SLC28A2: variants seen among roughly 807,000 people sequenced by gnomAD.
SLC28A2 encodes sodium/nucleoside cotransporter 2.
In SLC28A2, 69 loss-of-function variants were observed where a neutral mutation model predicts 72.9. The ratio of observed to expected loss-of-function variants is 0.95; its 90% CI spans 0.78 to 1.16. The LOEUF (loss-of-function observed/expected upper bound fraction) is 1.16. Among genes scored for constraint, SLC28A2 ranks in the 50% most tolerant of loss-of-function variants. SLC28A2 has a pLI of 0.00. For synonymous variants in SLC28A2, 296 were observed against 294.1 expected (o/e 1.01, Z -0.07); for missense variants, 745 against 791.1 (o/e 0.94, Z 0.70).
intron 5 of SLC28A2, 82 bp downstream of exon 5, chr15:45,263,326 GCT>G (rs1900223202): frequency 7.1e-7 from 1 of 1,403,142 alleles, no homozygotes; most frequent in Non-Finnish European, 9.7e-7. Context: ...TGCTGAGCAG[GCT>G]CTCAGACCTG....
At chr15:45,274,824 C>T (rs565239375) in intron 17 of SLC28A2, among the ~76,000 whole-genome samples, 1 of 151,702 alleles carries the variant, frequency 6.6e-6, no homozygotes, top group East Asian at 1.9e-4. Context: ...GGCCCAGGCT[C>T]AAGCAATCCT....
chr15:45,267,639 C>T (rs1900382845), intron 11 of SLC28A2, 27 bp from the exon 12 acceptor site: 4 of 1,614,002 alleles, frequency 2.5e-6, no homozygotes, highest in South Asian at 1.1e-5. Flanking sequence ...GATAGAAACA[C>T]TGATGCCTAA....
At chr15:45,256,661 A>T (rs1205575477) in intron 3 of SLC28A2, among the ~76,000 whole-genome samples, 3 of 152,004 alleles carry the variant, frequency 2.0e-5, no homozygotes, top group Non-Finnish European at 4.4e-5. Flanking sequence ...TGCCCACCTC[A>T]GCCTCCCAAA....
chr15:45,259,648 T>C (rs1423639051), intron 3 of SLC28A2, among the ~76,000 whole-genome samples: 1 of 152,242 alleles, frequency 6.6e-6, no homozygotes, highest in East Asian at 1.9e-4. Flanking sequence ...GAACATCTAT[T>C]ATGGGCCGGG....
chr15:45,272,750 G>A lies in SLC28A2; in HGVS notation c.1825G>A (p.Glu609Lys), dbSNP rs772197310. ...CACAAGTTTCACCAATAGAACCTAT[G>A]AGACCTACATGTGCTGCAGAGGGCT... ...PNTSFTNRTYETYMCCRGLFQ... is the reference protein window; with the variant it reads ...PNTSFTNRTYKTYMCCRGLFQ... The change falls in exon 17 of 18, where the codon GAG becomes AAG. Residue 609 changes from glutamate (E) to lysine (K), a missense_variant. Coordinates refer to ENST00000347644, the MANE Select transcript of SLC28A2 (RefSeq NM_004212.4). 1 of 1,611,838 alleles carries A rather than the reference G, an allele frequency of 6.2e-7. No individual in the cohort carries two copies. Among genetic ancestry groups the A allele is most frequent in the Non-Finnish European group, 8.5e-7 (1 of 1,177,940 alleles).
chr15:45,270,043 AG>A, intron 14 of SLC28A2, 151 bp from the exon 15 acceptor site: 1 of 624,866 alleles, frequency 1.6e-6, no homozygotes, highest in Non-Finnish European at 2.9e-6. Context: ...ATAGTAACTC[AG>A]GGAACAGTTG....
rs759695966 is a variant in SLC28A2, at chr15:45,253,438, G to C, written c.88G>C (p.Glu30Gln). Residue 30 changes from glutamate (E) to glutamine (Q), a missense_variant, in exon 3 of 18, where the codon GAA (glutamate) becomes CAA (glutamine). Coordinates refer to ENST00000347644, the MANE Select transcript of SLC28A2 (RefSeq NM_004212.4). ...ATGCTCTCTGTGCTTGTAGGAAAAAGAAGTAGAGCCTGAGGGAAGCAAGAG... is the reference window on the plus strand; with the variant it reads ...ATGCTCTCTGTGCTTGTAGGAAAAACAAGTAGAGCCTGAGGGAAGCAAGAG... ...VNPGLELMEKEVEPEGSKRTD... is the reference protein window; with the variant it reads ...VNPGLELMEKQVEPEGSKRTD... The C allele has an allele frequency of 7.4e-6, 12 of 1,613,336 alleles. No individual in the cohort carries two copies. The highest frequency in any genetic ancestry group is 9.3e-6 in the Non-Finnish European group (11 of 1,179,418).
intron 3 of SLC28A2, among the ~76,000 whole-genome samples, chr15:45,258,362 G>A (rs1228328339): frequency 6.6e-6 from 1 of 151,736 alleles, no homozygotes; most frequent in African/African-American, 2.4e-5. Flanking sequence ...ATAAAGCATA[G>A]CATGCATACA....
intron 5 of SLC28A2, 103 bp downstream of exon 5, chr15:45,263,347 C>A: frequency 9.2e-7 from 1 of 1,090,992 alleles, no homozygotes; most frequent in Non-Finnish European, 1.3e-6. Context: ...TGCACATAGG[C>A]TTTTCAGAAC....
At position 45,267,647 on chromosome 15, in the gene SLC28A2, T is replaced by C; in HGVS notation, c.1069-19T>C. 5 of 1,614,124 alleles carry C rather than the reference T, an allele frequency of 3.1e-6. No homozygotes were observed. Among genetic ancestry groups the C allele is most frequent in the Non-Finnish European group, 4.2e-6 (5 of 1,180,018 alleles). ...TGGGTTTGATAGAAACACTGATGCCTAAGTCTGGCGCCTCACAGGTTGATG... is the reference window on the plus strand; with the variant it reads ...TGGGTTTGATAGAAACACTGATGCCCAAGTCTGGCGCCTCACAGGTTGATG... On this transcript the variant is annotated intron_variant, in intron 11 of 17. Coordinates refer to ENST00000347644, the MANE Select transcript of SLC28A2 (RefSeq NM_004212.4).
intron 17 of SLC28A2, among the ~76,000 whole-genome samples, chr15:45,274,734 C>A (rs574578842): frequency 1.3e-5 from 2 of 149,482 alleles, no homozygotes; most frequent in East Asian, 1.9e-4. Context: ...GCTCTGGCAT[C>A]GTTTTGATTC....
chr15:45,253,327 G>A (rs1899864187), intron 2 of SLC28A2, 31 bp downstream of exon 2: 1 of 1,560,006 alleles, frequency 6.4e-7, no homozygotes, highest in African/African-American at 1.3e-5. Context: ...TCTCTGCAGA[G>A]CTGTGGGCTG....
intron 3 of SLC28A2, among the ~76,000 whole-genome samples, chr15:45,257,803 G>T (rs965664165): frequency 6.6e-6 from 1 of 152,156 alleles, no homozygotes; most frequent in Non-Finnish European, 1.5e-5. Flanking sequence ...TTAATGTGAT[G>T]ATTTGGATTT....
intron 3 of SLC28A2, among the ~76,000 whole-genome samples, chr15:45,259,722 C>T (rs1225942987): frequency 6.6e-6 from 1 of 152,062 alleles, no homozygotes; most frequent in Non-Finnish European, 1.5e-5. Flanking sequence ...ACCAAGAATA[C>T]AAAGATAAAA....
At chr15:45,253,339 T>C (rs766435903) in intron 2 of SLC28A2, 43 bp downstream of exon 2, 2 of 1,551,172 alleles carry the variant, frequency 1.3e-6, no homozygotes, top group South Asian at 2.2e-5. Flanking sequence ...TGTGGGCTGC[T>C]GCATGGGCTC....
chr15:45,277,589 T>A lies in SLC28A2; in HGVS notation c.*2076T>A, dbSNP rs1900786454. Reference sequence around the variant, plus strand: ...AAGTCTTATTATTGCATGATTCCATTTAGATGAAATATTCAGAATATATAA... The same window carrying A: ...AAGTCTTATTATTGCATGATTCCATATAGATGAAATATTCAGAATATATAA... On this transcript the variant is annotated 3_prime_UTR_variant, in exon 18 of 18. Transcript: ENST00000347644. 1 of 150,940 alleles carries A rather than the reference T, an allele frequency of 6.6e-6. No homozygotes were observed. Among genetic ancestry groups the A allele is most frequent in the African/African-American group, 2.4e-5 (1 of 41,034 alleles). The allele number at this position is 150,940 out of a possible 1,614,324, so 9.4% of individuals were successfully genotyped here. A position where few individuals can be genotyped will look rare whatever the true frequency, so the allele number is the denominator to read the frequency against.
At position 45,267,466 on chromosome 15, in the gene SLC28A2, T is replaced by C; in HGVS notation, c.954T>C (p.Pro318=). ...CTCCGTGTTTGTAGACAGAGGCACC[T>C]CTGCTCATCCGTCCCTACCTTGGGG... ...GNIFVGMTEA[P]LLIRPYLGDM... Residue 318 remains proline, a synonymous_variant, in exon 11 of 18, where the codon CCT becomes CCC. Coordinates refer to ENST00000347644, the MANE Select transcript of SLC28A2 (RefSeq NM_004212.4). 6.2e-7 allele frequency: 1 copy of C among 1,614,162 alleles called. No homozygotes were observed. Among genetic ancestry groups the C allele is most frequent in the South Asian group, 1.1e-5 (1 of 91,092 alleles).
At chr15:45,255,735 T>A (rs907745607) in intron 3 of SLC28A2, among the ~76,000 whole-genome samples, 13 of 152,200 alleles carry the variant, frequency 8.5e-5, no homozygotes, top group Non-Finnish European at 1.5e-5. Flanking sequence ...CAGACATGAA[T>A]AACTTCATGA....
chr15:45,263,048 C>T lies in SLC28A2; in HGVS notation c.263-13C>T. On this transcript the variant is annotated splice_polypyrimidine_tract_variant and intron_variant, in intron 4 of 17. Transcript: ENST00000347644. ...TGCCTTGCTGATCTTTACTCTGCTT[C>T]TTCTCTTTTTAGCCTATGCTGCCTA... The T allele has an allele frequency of 6.2e-7, 1 of 1,606,556 alleles. No individual in the cohort carries two copies. Among genetic ancestry groups the T allele is most frequent in the Non-Finnish European group, 8.5e-7 (1 of 1,176,878 alleles).
Sources: gnomAD v4.1 joint callset for allele counts (sites outside exome capture counted in the v4.1 genomes callset) on GRCh38, gnomAD v4.1.1 for gene constraint, MANE v1.5 for transcripts, NCBI Gene and HGNC (gene_info 2026-07-23, HGNC 2026-07-21) for gene names.